POMT1: variants seen among roughly 807,000 people sequenced by gnomAD.
POMT1 encodes protein O-mannosyltransferase 1, also known as protein O-mannosyl-transferase 1.
A neutral mutation model predicts 101.6 loss-of-function variants in POMT1; 85 were observed. That is an observed-to-expected ratio of 0.84 (90% CI 0.70 to 1.00). POMT1 has a LOEUF of 1.00. POMT1 is among the 50% of genes least tolerant of loss of function. POMT1 has a pLI of 0.00. For missense variants in POMT1, 857 were observed against 930.4 expected (o/e 0.92, Z 1.03); for synonymous variants, 371 against 383.0 (o/e 0.97, Z 0.37).
At chr9:131,510,965 C>T (rs989454816) in intron 9 of POMT1, 2 of 278,502 alleles carry the variant, frequency 7.2e-6, no homozygotes, top group African/African-American at 4.4e-5. Context: ...TCAGCCAAGC[C>T]TGCCGACGGC....
intron 9 of POMT1, 177 bp downstream of exon 9, chr9:131,510,592 C>T: frequency 1.2e-6 from 1 of 820,234 alleles, no homozygotes; most frequent in Non-Finnish European, 1.9e-6. Context: ...CAAACTCCGC[C>T]TCCTGGCTTC....
At chr9:131,511,606 C>A in intron 10 of POMT1, 139 bp downstream of exon 10, 1 of 1,177,860 alleles carries the variant, frequency 8.5e-7, no homozygotes, top group Non-Finnish European at 1.2e-6. Flanking sequence ...TGCTGATTGC[C>A]AGTGAGCTTC....
intron 10 of POMT1, chr9:131,511,833 C>A: frequency 1.6e-6 from 1 of 617,860 alleles, no homozygotes; most frequent in Non-Finnish European, 2.9e-6. Context: ...GGCGTGTGGG[C>A]CCGATCGATG....
rs1950202362 is a variant in POMT1 at position 131,522,735 on chromosome 9, AG to A, written c.2004-195del. Among the ~76,000 whole-genome samples the A allele has an allele frequency of 6.6e-6, 1 of 152,112 alleles. No individual in the cohort carries two copies. Among genetic ancestry groups the A allele is most frequent in the Admixed American group, 6.5e-5 (1 of 15,278 alleles). On this transcript the variant is annotated intron_variant, in intron 19 of 19. Coordinates refer to ENST00000402686, the MANE Select transcript of POMT1 (RefSeq NM_001077365.2). The surrounding 1 kb of genome is among the most constrained non-coding windows in gnomAD (Gnocchi z 5.5). Reference sequence around the variant, plus strand: ...GTGGCCCAGCCACTGTGGAGGCCTGAGGAGTCATCAGGGGGCCCCTCTCAGT... The same window carrying A: ...GTGGCCCAGCCACTGTGGAGGCCTGAGAGTCATCAGGGGGCCCCTCTCAGT...
intron 12 of POMT1, among the ~76,000 whole-genome samples, chr9:131,513,683 C>A (rs946712): frequency 0.88 from 134,482 of 152,222 alleles, 60,208 homozygotes; most frequent in South Asian, 0.97. Flanking sequence ...TTAAAGTGGT[C>A]AAGCTTAAAG....
Position 131,522,267 on chromosome 9 carries a change from C to T in POMT1, c.2003+43C>T, listed in dbSNP as rs773853808. The stretch of plus-strand genomic sequence containing the variant: ...ACAGTGGCTGGACCGGGCAGCAGCC[C>T]TCTGCTGGGAAGCCCATGCGCAGCA... On this transcript the variant is annotated intron_variant, in intron 19 of 19. Transcript: ENST00000402686. The surrounding 1 kb of genome is among the most constrained non-coding windows in gnomAD (Gnocchi z 5.5). 5 of 1,608,526 alleles carry T rather than the reference C, an allele frequency of 3.1e-6. No homozygotes were observed. The highest frequency in any genetic ancestry group is 4.2e-6 in the Non-Finnish European group (5 of 1,179,850).
At chr9:131,506,527 A>G in intron 4 of POMT1, 74 bp downstream of exon 4, 8 of 1,430,602 alleles carry the variant, frequency 5.6e-6, no homozygotes, top group Non-Finnish European at 7.9e-6. Context: ...TGTAAGGATT[A>G]ACAACTGTGG....
chr9:131,520,687 G>C (rs1949741065), intron 17 of POMT1, among the ~76,000 whole-genome samples: 1 of 152,234 alleles, frequency 6.6e-6, no homozygotes, highest in Admixed American at 6.5e-5. Flanking sequence ...ACTGAAGGCA[G>C]AGGCTCAGGC....
At chr9:131,516,694 T>C (rs976514219) in intron 13 of POMT1, 49 of 152,586 alleles carry the variant, frequency 3.2e-4, no homozygotes, top group African/African-American at 1.1e-3. Flanking sequence ...TCTAAATGCT[T>C]TGTGTTTGCT....
At chr9:131,504,903 G>A (rs1317968188) in intron 2 of POMT1, among the ~76,000 whole-genome samples, 3 of 151,692 alleles carry the variant, frequency 2.0e-5, no homozygotes, top group South Asian at 2.1e-4. Context: ...TCAGCCTCCC[G>A]AGTAGCTGAG....
chr9:131,509,534 T>C (rs776648339), intron 6 of POMT1, among the ~76,000 whole-genome samples: 16 of 152,202 alleles, frequency 1.1e-4, no homozygotes, highest in Non-Finnish European at 2.4e-4. Flanking sequence ...TTTCTATAAT[T>C]TAAACTAACA....
rs1474253398 is a variant in POMT1, at chr9:131,522,234, C to T, written c.2003+10C>T. ...GCGACCACCTGTGCAGGTACGGGGG[C>T]TGCGGAGACAGTGGCTGGACCGGGC... is the stretch of plus-strand genomic sequence containing the variant. On this transcript the variant is annotated intron_variant, in intron 19 of 19. Transcript: ENST00000402686. This position sits in a 1 kb window ranked among gnomAD's most constrained non-coding sequence, Gnocchi z 5.5. The T allele has an allele frequency of 6.2e-6, 10 of 1,613,148 alleles. No individual in the cohort carries two copies. In the East Asian group the frequency reaches 1.3e-4, roughly 22 times the overall value.
rs113682507 is a variant in POMT1 at position 131,514,331 on chromosome 9, C to G, written c.1175+1000C>G. Among the ~76,000 whole-genome samples the G allele has an allele frequency of 2.7e-3, 412 of 152,300 alleles. 2 individuals carry two copies. Among genetic ancestry groups the G allele is most frequent in the African/African-American group, 9.5e-3 (393 of 41,558 alleles). On this transcript the variant is annotated intron_variant, in intron 12 of 19. Transcript: ENST00000402686. ...TCACCCCCGCCACCCTGGCTCCCCCCAGCCCTGAAACAACCACCTGCGGGC... is the reference window on the plus strand; with the variant it reads ...TCACCCCCGCCACCCTGGCTCCCCCGAGCCCTGAAACAACCACCTGCGGGC...
intron 13 of POMT1, among the ~76,000 whole-genome samples, chr9:131,517,498 G>A (rs1226964416): frequency 6.6e-6 from 1 of 152,134 alleles, no homozygotes; most frequent in Non-Finnish European, 1.5e-5. Flanking sequence ...GGCTGGTCTT[G>A]AACTCCTGGA....
intron 13 of POMT1, among the ~76,000 whole-genome samples, chr9:131,517,165 T>A (rs1948867923): frequency 6.6e-6 from 1 of 151,936 alleles, no homozygotes; most frequent in South Asian, 2.1e-4. Flanking sequence ...CAGCCCTGTT[T>A]CGCTTGACAG....
intron 9 of POMT1, chr9:131,511,003 AAGTTGTTTGGC>A: frequency 3.8e-6 from 1 of 261,476 alleles, no homozygotes; most frequent in South Asian, 5.7e-5. Flanking sequence ...GTGTTTCAGC[AAGTTGTTTGGC>A]TCACCCTAGT....
At chr9:131,521,989 G>A in intron 18 of POMT1, 58 bp from the exon 19 acceptor site, 1 of 1,609,878 alleles carries the variant, frequency 6.2e-7, no homozygotes, top group Non-Finnish European at 8.5e-7. Flanking sequence ...GCAAAAGAGA[G>A]AGAAGACCCG....
At chr9:131,513,869 C>T (rs1185720351) in intron 12 of POMT1, among the ~76,000 whole-genome samples, 1 of 152,238 alleles carries the variant, frequency 6.6e-6, no homozygotes, top group African/African-American at 2.4e-5. Flanking sequence ...TCCTCTGTTG[C>T]TCTCAGTCTC....
intron 12 of POMT1, 134 bp downstream of exon 12, chr9:131,513,465 G>C (rs899522766): frequency 1.1e-6 from 1 of 870,954 alleles, no homozygotes; most frequent in African/African-American, 1.7e-5. Context: ...GCAGCTCTTA[G>C]ACCTACATTT....
Sources: gnomAD v4.1 joint callset for allele counts (sites outside exome capture counted in the v4.1 genomes callset) on GRCh38, gnomAD v4.1.1 for gene constraint, Gnocchi (gnomAD v3.1) non-coding constraint, MANE v1.5 for transcripts, NCBI Gene and HGNC (gene_info 2026-07-23, HGNC 2026-07-21) for gene names.